Variants in TDRD7 observed in about 807,000 individuals in gnomAD.
The protein encoded by TDRD7 is tudor domain containing 7, also known as tudor domain-containing protein 7.
In TDRD7, 47 loss-of-function variants were observed where a neutral mutation model predicts 109.8. The observed-to-expected ratio is 0.43, with a 90% confidence interval of 0.34 to 0.55. TDRD7 has a LOEUF of 0.55. TDRD7 is among the 20% of genes least tolerant of loss of function. TDRD7 has a pLI of 0.03. For synonymous variants in TDRD7, 424 were observed against 457.3 expected, an observed-to-expected ratio of 0.93 and a Z score of 0.93; for missense variants, 1,164 against 1,319.2, an observed-to-expected ratio of 0.88 and a Z score of 1.82.
intron 16 of TDRD7, among the ~76,000 whole-genome samples, chr9:97,489,489 C>T (rs998480715): frequency 1.3e-5 from 2 of 152,100 alleles, no homozygotes; most frequent in East Asian, 1.9e-4. Flanking sequence ...TTAGTGTTAA[C>T]GTGGTATATC....
At position 97,470,657 on chromosome 9, in the gene TDRD7, T is replaced by G. The variant is rs1414211486; in HGVS notation, c.1729T>G (p.Cys577Gly). 3 of 1,613,774 alleles carry G rather than the reference T, an allele frequency of 1.9e-6. No homozygotes were observed. The highest frequency in any genetic ancestry group is 2.5e-6 in the Non-Finnish European group (3 of 1,179,844). Residue 577 changes from cysteine to glycine, a missense_variant, in exon 9 of 17, where the codon TGT becomes GGT. Physicochemically the swap from Cys to Gly is radical, Grantham distance 159. Around this residue, in one of 5 missense-constraint regions of TDRD7, gnomAD observed 261 missense variants for 336.2 expected, o/e 0.78. Transcript: ENST00000355295. The part of the protein sequence containing the change: ...FCSLSFQATK[C>G]KLAGLEVLSD... ...TTCACTCTCATTTCAAGCTACAAAA[T>G]GTAAGCTTGCAGGTAAGAGGAACTT...
intron 8 of TDRD7, among the ~76,000 whole-genome samples, chr9:97,469,386 T>G (rs374719509): frequency 2.8e-4 from 43 of 152,316 alleles, no homozygotes; most frequent in African/African-American, 9.4e-4. Flanking sequence ...TGATACAAGG[T>G]AGACAGGCCC....
chr9:97,495,857 C>G lies in TDRD7; in HGVS notation c.3271C>G (p.Leu1091Val), dbSNP rs1216546718. ...GATTCATGATTTTATGTCAGAGTAT[C>G]TGATAGAGCTTTCAAAAGTTAATTA... ...TWIHDFMSEY[L>V]IELSKVN The change falls in exon 17 of 17, where the codon CTG (leucine) becomes GTG (valine). Residue 1091 changes from leucine to valine, a missense_variant. By Grantham distance (32) the Leu-to-Val change is conservative (BLOSUM62 1). Coordinates refer to ENST00000355295, the MANE Select transcript of TDRD7 (RefSeq NM_014290.3). The G allele has an allele frequency of 1.2e-6, 2 of 1,614,088 alleles. No individual in the cohort carries two copies. Among genetic ancestry groups the G allele is most frequent in the Non-Finnish European group, 1.7e-6 (2 of 1,179,994 alleles).
chr9:97,435,499 G>A (rs4742691), intron 4 of TDRD7, among the ~76,000 whole-genome samples: 79,190 of 150,358 alleles, frequency 0.53, 21,110 homozygotes, highest in African/African-American at 0.6. Context: ...ACCTGGACAT[G>A]GTGGTGTGCA....
intron 1 of TDRD7, among the ~76,000 whole-genome samples, chr9:97,418,635 A>G (rs1478946091): frequency 6.6e-6 from 1 of 152,202 alleles, no homozygotes; most frequent in African/African-American, 2.4e-5. Context: ...TTTCAGGGGC[A>G]GTGGTCTAAA....
At chr9:97,464,147 C>T (rs1828780578) in intron 7 of TDRD7, among the ~76,000 whole-genome samples, 1 of 152,210 alleles carries the variant, frequency 6.6e-6, no homozygotes, top group African/African-American at 2.4e-5. Context: ...ACTTCTCTGG[C>T]CTCCAGGCCT....
In TDRD7 at chr9:97,495,659, C is replaced by T; in HGVS notation, c.3077-4C>T. On this transcript the variant is annotated splice_polypyrimidine_tract_variant and splice_region_variant and intron_variant, in intron 16 of 16. Transcript: ENST00000355295. Reference sequence around the variant, plus strand: ...GCTCCCTCTTCTTCCTCTCTTCCTCCTAGGAGTGAAGTGCAACCAGTGGTC... The same window carrying T: ...GCTCCCTCTTCTTCCTCTCTTCCTCTTAGGAGTGAAGTGCAACCAGTGGTC... 6.2e-7 allele frequency: 1 copy of T among 1,613,804 alleles called. No individual in the cohort carries two copies. Among genetic ancestry groups the T allele is most frequent in the Non-Finnish European group, 8.5e-7 (1 of 1,179,794 alleles).
intron 6 of TDRD7, among the ~76,000 whole-genome samples, chr9:97,453,588 T>C (rs1172723710): frequency 1.3e-5 from 2 of 151,686 alleles, no homozygotes; most frequent in African/African-American, 4.8e-5. Flanking sequence ...GGAACCCTTT[T>C]CCCCCAGCCA....
chr9:97,444,050 T>C (rs992441780), intron 6 of TDRD7, among the ~76,000 whole-genome samples: 2 of 152,200 alleles, frequency 1.3e-5, no homozygotes, highest in East Asian at 3.8e-4. Flanking sequence ...GCTAGGATTG[T>C]AGATGAGAGA....
At chr9:97,441,946 C>T in intron 6 of TDRD7, 71 bp downstream of exon 6, 1 of 1,271,280 alleles carries the variant, frequency 7.9e-7, no homozygotes, top group Non-Finnish European at 1.2e-6. Flanking sequence ...AGTTATTAGT[C>T]ATATCACCTT....
At chr9:97,450,932 G>C (rs1018892346) in intron 6 of TDRD7, among the ~76,000 whole-genome samples, 17 of 149,350 alleles carry the variant, frequency 1.1e-4, no homozygotes, top group African/African-American at 4.2e-4. Context: ...AAACTAATGA[G>C]TGATGACTGG....
intron 3 of TDRD7, 69 bp from the exon 4 acceptor site, chr9:97,431,956 G>C: frequency 7.3e-7 from 1 of 1,364,364 alleles, no homozygotes; most frequent in Non-Finnish European, 1.0e-6. Context: ...ATCTGGTCAG[G>C]GGAGTGTCAT....
intron 7 of TDRD7, among the ~76,000 whole-genome samples, chr9:97,463,948 A>G (rs1341846141): frequency 2.0e-5 from 3 of 152,158 alleles, no homozygotes; most frequent in African/African-American, 7.2e-5. Context: ...AAATTCTTTA[A>G]TAAGTTTGGA....
chr9:97,447,592 T>A (rs1274403813), intron 6 of TDRD7, among the ~76,000 whole-genome samples: 1 of 151,860 alleles, frequency 6.6e-6, no homozygotes, highest in African/African-American at 2.4e-5. Flanking sequence ...TGAAAAGAAA[T>A]AAAGAGCAGT....
intron 6 of TDRD7, among the ~76,000 whole-genome samples, chr9:97,442,632 C>T (rs1231625001): frequency 6.6e-6 from 1 of 152,206 alleles, no homozygotes; most frequent in African/African-American, 2.4e-5. Context: ...ACATTAACAG[C>T]TACTCGATGC....
intron 6 of TDRD7, among the ~76,000 whole-genome samples, chr9:97,457,080 T>C (rs1366262836): frequency 6.6e-6 from 1 of 152,152 alleles, no homozygotes; most frequent in African/African-American, 2.4e-5. Context: ...TCAACATCAC[T>C]GATCATCAGA....
intron 1 of TDRD7, among the ~76,000 whole-genome samples, chr9:97,417,572 G>A (rs568802972): frequency 3.2e-4 from 48 of 152,234 alleles, no homozygotes; most frequent in South Asian, 2.9e-3. Context: ...GCTTGGGGGA[G>A]GATTGAGAAC....
At chr9:97,442,596 A>T (rs1828327270) in intron 6 of TDRD7, among the ~76,000 whole-genome samples, 1 of 152,192 alleles carries the variant, frequency 6.6e-6, no homozygotes, top group Non-Finnish European at 1.5e-5. Flanking sequence ...CATAAGATAT[A>T]TTTAAAACAT....
rs1214653164 is a variant in TDRD7 at position 97,429,858 on chromosome 9, A to G, written c.208-1075A>G. ...AATGAATAGCTGAATGAATTAATAAATTAATGCTTTATAGAGTTACTATAC... is the reference window on the plus strand; with the variant it reads ...AATGAATAGCTGAATGAATTAATAAGTTAATGCTTTATAGAGTTACTATAC... On this transcript the variant is annotated intron_variant, in intron 2 of 16. Transcript: ENST00000355295. 2.6e-5 allele frequency among the ~76,000 whole-genome samples: 4 copies of G among 152,224 alleles called. No individual in the cohort carries two copies. The East Asian group carries it at 7.7e-4, about 29-fold the overall frequency.
Sources: allele counts gnomAD v4.1 joint callset (sites outside exome capture counted in the v4.1 genomes callset), GRCh38; gene constraint gnomAD v4.1.1; regional missense constraint gnomAD v4.1.1; transcripts MANE v1.5; gene names NCBI Gene and HGNC (gene_info 2026-07-23, HGNC 2026-07-21).